The following KCNIP4 variants were observed in gnomAD, a reference collection of about 807,000 sequenced individuals.
KCNIP4 encodes the protein Kv channel-interacting protein 4.
In KCNIP4, 12 loss-of-function variants were observed where a neutral mutation model predicts 34.0. The observed-to-expected ratio is 0.35, with a 90% CI of 0.23 to 0.57. KCNIP4 has a LOEUF of 0.57. Ranked by LOEUF, KCNIP4 falls within the 20% of genes least tolerant of loss-of-function variation. The probability of loss-of-function intolerance (pLI) is 0.83; values close to 1 mark genes in which losing one functional copy is unlikely to be tolerated. For missense variants in KCNIP4, 238 were observed against 311.7 expected, an observed-to-expected ratio of 0.76 and a Z score of 1.78; for synonymous variants, 124 against 102.2, an observed-to-expected ratio of 1.21 and a Z score of -1.29.
chr4:21,248,782 T>A (rs978081570), intron 1 of KCNIP4, among the ~76,000 whole-genome samples: 4 of 152,186 alleles, frequency 2.6e-5, no homozygotes, highest in African/African-American at 9.7e-5. Context: ...ATTCAAACAT[T>A]ACTCCTAAGT....
chr4:21,484,423 G>C, intron 1 of KCNIP4, among the ~76,000 whole-genome samples: 1 of 145,642 alleles, frequency 6.9e-6, no homozygotes, highest in East Asian at 2.0e-4. Context: ...GCGAAACTCC[G>C]TCACAATAAA....
At chr4:21,917,173 C>T (rs568252643) in intron 1 of KCNIP4, among the ~76,000 whole-genome samples, 76 of 152,212 alleles carry the variant, frequency 5.0e-4, no homozygotes, top group African/African-American at 1.6e-3. Context: ...CTCGCACTGT[C>T]GCCCAGGCTG....
At chr4:21,049,671 G>A (rs550822026) in intron 1 of KCNIP4, among the ~76,000 whole-genome samples, 2 of 152,270 alleles carry the variant, frequency 1.3e-5, no homozygotes, top group Admixed American at 6.5e-5. Flanking sequence ...CAGGACACCT[G>A]ATTACTTCTG....
At chr4:21,435,348 G>A (rs1726858298) in intron 1 of KCNIP4, among the ~76,000 whole-genome samples, 1 of 152,126 alleles carries the variant, frequency 6.6e-6, no homozygotes, top group Non-Finnish European at 1.5e-5. Context: ...TAGTCAGTGG[G>A]ACTAAGGAAG....
chr4:21,914,214 T>G (rs190230467), intron 1 of KCNIP4, among the ~76,000 whole-genome samples: 29 of 152,182 alleles, frequency 1.9e-4, no homozygotes, highest in Non-Finnish European at 4.1e-4. Context: ...TAGGCAAACA[T>G]TGAGCATAAG....
At chr4:21,753,907 A>G (rs1297331198) in intron 1 of KCNIP4, among the ~76,000 whole-genome samples, 1 of 151,992 alleles carries the variant, frequency 6.6e-6, no homozygotes, top group Admixed American at 6.6e-5. Flanking sequence ...TCTTCTCTCC[A>G]TCTACTGACC....
chr4:21,520,790 C>T (rs1234046015), intron 1 of KCNIP4, among the ~76,000 whole-genome samples: 1 of 152,090 alleles, frequency 6.6e-6, no homozygotes, highest in African/African-American at 2.4e-5. Context: ...ATTCTTGTTT[C>T]AATATACTTT....
chr4:21,303,690 T>C (rs1712017555), intron 1 of KCNIP4: 1 of 724,684 alleles, frequency 1.4e-6, no homozygotes, highest in East Asian at 2.8e-5. Context: ...GCTTCCTTCA[T>C]GTCCATCCCA....
At chr4:21,375,660 A>G (rs1411208827) in intron 1 of KCNIP4, among the ~76,000 whole-genome samples, 1 of 150,604 alleles carries the variant, frequency 6.6e-6, no homozygotes, top group Non-Finnish European at 1.5e-5. Flanking sequence ...TCCGCCTCCC[A>G]GGTTCACCCT....
intron 1 of KCNIP4, among the ~76,000 whole-genome samples, chr4:21,944,909 G>C (rs752763514): frequency 2.6e-5 from 4 of 152,124 alleles, no homozygotes; most frequent in Non-Finnish European, 5.9e-5. Context: ...AATGGGTGCA[G>C]TTATATAATT....
intron 1 of KCNIP4, among the ~76,000 whole-genome samples, chr4:20,932,781 T>C (rs970456619): frequency 6.6e-6 from 1 of 152,172 alleles, no homozygotes; most frequent in African/African-American, 2.4e-5. Flanking sequence ...TTAACTATTT[T>C]GCTATAATAT....
intron 1 of KCNIP4, among the ~76,000 whole-genome samples, chr4:21,336,382 A>C (rs982438451): frequency 1.2e-4 from 18 of 152,148 alleles, no homozygotes; most frequent in African/African-American, 4.1e-4. Flanking sequence ...CCTAGGAATG[A>C]AATTTCCAGA....
chr4:20,854,727 T>A (rs1221019424), intron 2 of KCNIP4, among the ~76,000 whole-genome samples: 1 of 152,118 alleles, frequency 6.6e-6, no homozygotes, highest in African/African-American at 2.4e-5. Flanking sequence ...AATAAAATGT[T>A]CATATTAGGT....
At chr4:21,112,935 G>GTTT (rs986234436) in intron 1 of KCNIP4, among the ~76,000 whole-genome samples, 2 of 151,996 alleles carry the variant, frequency 1.3e-5, no homozygotes, top group African/African-American at 4.8e-5. Flanking sequence ...ACCTTCTAGT[G>GTTT]TTTTAGAGAT....
chr4:21,939,514 A>G (rs1285553057), intron 1 of KCNIP4, among the ~76,000 whole-genome samples: 1 of 151,978 alleles, frequency 6.6e-6, no homozygotes, highest in African/African-American at 2.4e-5. Context: ...TCCTTTTTCC[A>G]TGTTTCTCAA....
At chr4:21,691,298 G>T (rs1711604385) in intron 1 of KCNIP4, among the ~76,000 whole-genome samples, 1 of 152,100 alleles carries the variant, frequency 6.6e-6, no homozygotes, top group Non-Finnish European at 1.5e-5. Flanking sequence ...TTCCTAACAG[G>T]CCTCTGTGGG....
At position 21,230,072 on chromosome 4, in the gene KCNIP4, T is replaced by C. The variant is rs1334568043; in HGVS notation, c.62-347363A>G. On this transcript the variant is annotated intron_variant, in intron 1 of 8. Coordinates refer to ENST00000382152, the MANE Select transcript of KCNIP4 (RefSeq NM_025221.6). Reference sequence around the variant, plus strand: ...CTCATCGTAGATGAAGGTGGTCAAATCCAATGGCTGGTGTCCTTATAAGGG... The same window carrying C: ...CTCATCGTAGATGAAGGTGGTCAAACCCAATGGCTGGTGTCCTTATAAGGG... Among the ~76,000 whole-genome samples, 3 of 152,098 alleles carry C rather than the reference T, an allele frequency of 2.0e-5. No homozygotes were observed. In the East Asian group the frequency reaches 5.8e-4, roughly 29 times the overall value.
chr4:20,740,970 AAAG>A (rs1750932203), intron 5 of KCNIP4, among the ~76,000 whole-genome samples: 1 of 151,984 alleles, frequency 6.6e-6, no homozygotes, highest in East Asian at 1.9e-4. Flanking sequence ...CAAAACAGAC[AAAG>A]AAGGCTATTA....
At chr4:21,259,615 A>G (rs1022124018) in intron 1 of KCNIP4, among the ~76,000 whole-genome samples, 4 of 152,188 alleles carry the variant, frequency 2.6e-5, no homozygotes, top group African/African-American at 9.7e-5. Flanking sequence ...TCTATTGCAT[A>G]GCAGGCCTAT....
Sources: gnomAD v4.1 joint callset for allele counts (sites outside exome capture counted in the v4.1 genomes callset) on GRCh38, gnomAD v4.1.1 for gene constraint, MANE v1.5 for transcripts, NCBI Gene and HGNC (gene_info 2026-07-23, HGNC 2026-07-21) for gene names.